The following STXBP5L variants were observed in gnomAD, a reference collection of about 807,000 sequenced individuals.
STXBP5L encodes syntaxin binding protein 5L.
In STXBP5L, 65 loss-of-function variants were observed where a neutral mutation model predicts 144.5. The ratio of observed to expected loss-of-function variants is 0.45; its 90% confidence interval spans 0.37 to 0.55. The LOEUF (loss-of-function observed/expected upper bound fraction) is 0.55, where lower values mean the gene tolerates loss of function less well. STXBP5L is among the 20% of genes least tolerant of loss of function. The probability of loss-of-function intolerance (pLI) is 0.00; values close to 1 mark genes in which losing one functional copy is unlikely to be tolerated. For missense variants in STXBP5L, 1,298 were observed against 1,405.5 expected, an observed-to-expected ratio of 0.92 and a Z score of 1.22; for synonymous variants, 505 against 469.6, an observed-to-expected ratio of 1.08 and a Z score of -0.97.
chr3:120,979,556 G>C (rs1229912774), intron 3 of STXBP5L, among the ~76,000 whole-genome samples: 1 of 152,072 alleles, frequency 6.6e-6, no homozygotes, highest in Non-Finnish European at 1.5e-5. Flanking sequence ...TGCACCCACT[G>C]TCCTGCACCC....
intron 19 of STXBP5L, among the ~76,000 whole-genome samples, chr3:121,307,457 A>G (rs1322195900): frequency 6.6e-6 from 1 of 152,314 alleles, no homozygotes; most frequent in South Asian, 2.1e-4. Context: ...CAAATCAAGA[A>G]CATAAATAAA....
At chr3:121,352,552 G>A (rs968782360) in intron 20 of STXBP5L, among the ~76,000 whole-genome samples, 1 of 152,114 alleles carries the variant, frequency 6.6e-6, no homozygotes. Context: ...AGACTTTGCT[G>A]AAGTTGCTTA....
chr3:120,983,401 C>G (rs1350185644), intron 3 of STXBP5L, among the ~76,000 whole-genome samples: 1 of 152,074 alleles, frequency 6.6e-6, no homozygotes, highest in Non-Finnish European at 1.5e-5. Context: ...GTGGTGGTAT[C>G]TGTTTTTGGG....
rs562887912 is a variant in STXBP5L, at chr3:121,136,569, T to A, written c.669+14865T>A. Among the ~76,000 whole-genome samples, 34 of 152,286 alleles carry A rather than the reference T, an allele frequency of 2.2e-4. No individual in the cohort carries two copies. In the South Asian group the frequency reaches 2.3e-3, roughly 10 times the overall value. On this transcript the variant is annotated intron_variant, in intron 7 of 26. Transcript: ENST00000471454. ...GAGAATGGCTATTACTACAATTTTT[T>A]AAAAATAACAGATGCCAGCAAGGTT...
At chr3:121,188,494 C>T (rs1381171541) in intron 9 of STXBP5L, among the ~76,000 whole-genome samples, 1 of 76,086 alleles carries the variant, frequency 1.3e-5, no homozygotes, top group African/African-American at 4.6e-5. Context: ...CTGGTAGAGA[C>T]ACAGCAAAAA....
chr3:121,297,626 T>G (rs2051711089), intron 19 of STXBP5L, among the ~76,000 whole-genome samples: 6 of 152,088 alleles, frequency 3.9e-5, no homozygotes. Flanking sequence ...TGGTGGCTCA[T>G]GCCTGTAGTC....
intron 3 of STXBP5L, among the ~76,000 whole-genome samples, chr3:121,011,115 G>A (rs111914738): frequency 2.2e-3 from 336 of 149,712 alleles, no homozygotes; most frequent in African/African-American, 8.1e-3. Context: ...TTTGTACTTC[G>A]CCGAGGTAGT....
chr3:121,070,380 G>T (rs1656056659), intron 5 of STXBP5L, among the ~76,000 whole-genome samples: 1 of 152,212 alleles, frequency 6.6e-6, no homozygotes, highest in Non-Finnish European at 1.5e-5. Flanking sequence ...GTGGAGTATA[G>T]ATAAGGTTCA....
rs762934388 is a variant in STXBP5L, at chr3:121,407,426, A to G, written c.2771A>G (p.Gln924Arg). The G allele has an allele frequency of 1.2e-6, 2 of 1,613,262 alleles. No homozygotes were observed. Among genetic ancestry groups the G allele is most frequent in the African/African-American group, 1.3e-5 (1 of 75,010 alleles). The change falls in exon 23 of 27, where the codon CAG becomes CGG. Residue 924 changes from glutamine (Q) to arginine (R), a missense_variant. By Grantham distance (43) the Gln-to-Arg change is conservative (BLOSUM62 1). Coordinates refer to ENST00000471454, the MANE Select transcript of STXBP5L (RefSeq NM_001308330.2). ...SSASQEIGDHQYTIICSEKQA... is the reference protein window; with the variant it reads ...SSASQEIGDHRYTIICSEKQA... ...GCATCCCAAGAAATAGGAGATCATC[A>G]GTATACAATAATCTGCTCAGAAAAA...
chr3:120,988,013 T>G (rs1365927681), intron 3 of STXBP5L, among the ~76,000 whole-genome samples: 1 of 151,842 alleles, frequency 6.6e-6, no homozygotes, highest in East Asian at 1.9e-4. Flanking sequence ...GCCTTCATCT[T>G]GGTTTAGTTT....
chr3:121,159,102 T>A (rs1353439294), intron 9 of STXBP5L: 3 of 151,954 alleles, frequency 2.0e-5, no homozygotes, highest in Non-Finnish European at 4.4e-5. Context: ...TTTGGGTTTA[T>A]TTTTTTCCCT....
At chr3:121,392,552 T>C (rs1185427086) in intron 22 of STXBP5L, among the ~76,000 whole-genome samples, 3 of 152,040 alleles carry the variant, frequency 2.0e-5, no homozygotes, top group Non-Finnish European at 1.5e-5. Context: ...CCGCAGTCTT[T>C]ACATTCTTTT....
chr3:120,986,093 C>T (rs754044657), intron 3 of STXBP5L, among the ~76,000 whole-genome samples: 14 of 151,880 alleles, frequency 9.2e-5, no homozygotes, highest in African/African-American at 3.4e-4. Flanking sequence ...GGTATGTTTT[C>T]ATTTTCATTT....
intron 2 of STXBP5L, 114 bp from the exon 3 acceptor site, chr3:120,954,826 C>CTT: frequency 7.5e-6 from 5 of 670,406 alleles, no homozygotes; most frequent in Non-Finnish European, 4.6e-6. Flanking sequence ...TTGGTGGTAG[C>CTT]TTTTTTTTTT....
At chr3:121,035,771 T>C (rs1285744479) in intron 3 of STXBP5L, among the ~76,000 whole-genome samples, 4 of 152,206 alleles carry the variant, frequency 2.6e-5, no homozygotes, top group Non-Finnish European at 5.9e-5. Context: ...AGAAATTGCA[T>C]TGAATCTGTA....
At chr3:121,245,301 T>A (rs1212825887) in intron 14 of STXBP5L, among the ~76,000 whole-genome samples, 14 of 144,430 alleles carry the variant, frequency 9.7e-5, no homozygotes, top group South Asian at 2.2e-4. Context: ...AAAATGCCTA[T>A]AGAAGGTGCA....
intron 20 of STXBP5L, among the ~76,000 whole-genome samples, chr3:121,338,780 T>C (rs2044603828): frequency 6.6e-6 from 1 of 151,958 alleles, no homozygotes; most frequent in African/African-American, 2.4e-5. Flanking sequence ...TCTGTGCACA[T>C]AAACTAGAAA....
intron 3 of STXBP5L, among the ~76,000 whole-genome samples, chr3:120,988,123 T>C (rs990857824): frequency 1.3e-5 from 2 of 151,690 alleles, no homozygotes; most frequent in Admixed American, 6.6e-5. Flanking sequence ...CTTTTTTTTT[T>C]CCTGTTATTA....
intron 20 of STXBP5L, among the ~76,000 whole-genome samples, chr3:121,350,374 C>T (rs1217126931): frequency 6.6e-6 from 1 of 152,146 alleles, no homozygotes; most frequent in African/African-American, 2.4e-5. Flanking sequence ...CGACCTTTGT[C>T]TCTGGCTGCC....
Sources: gnomAD v4.1 joint callset for allele counts (sites outside exome capture counted in the v4.1 genomes callset) on GRCh38, gnomAD v4.1.1 for gene constraint, MANE v1.5 for transcripts, NCBI Gene and HGNC (gene_info 2026-07-23, HGNC 2026-07-21) for gene names.